C6orf136: variants seen among roughly 807,000 people sequenced by gnomAD.
C6orf136 encodes the protein chromosome 6 open reading frame 136, also known as uncharacterized protein C6orf136.
Under a neutral mutation model 44.0 loss-of-function variants are expected in C6orf136, and 29 were observed. The observed-to-expected ratio is 0.66, with a 90% CI of 0.49 to 0.90. The LOEUF is 0.90. C6orf136 is among the 40% of genes least tolerant of loss of function. The probability of loss-of-function intolerance (pLI) is 0.00; values close to 1 mark genes in which losing one functional copy is unlikely to be tolerated. For synonymous variants in C6orf136, 293 were observed against 278.6 expected (o/e 1.05, Z -0.52); for missense variants, 628 against 669.3 (o/e 0.94, Z 0.68).
rs776450954 is a variant in C6orf136 at position 30,651,456 on chromosome 6, G to A, written c.1297G>A (p.Glu433Lys). ...GCGGTTCTACAAGCGTGACAAAGAC[G>A]AGCATTACCGGTAAGAGAGAAATGA... ...FLRFYKRDKD[E>K]HYRTYDAYST... Residue 433 changes from glutamate (E) to lysine (K), a missense_variant, in exon 4 of 6, where the codon GAG (glutamate) becomes AAG (lysine). Around this residue, in one of 2 missense-constraint regions of C6orf136, gnomAD observed 131 missense variants for 200.1 expected, o/e 0.65. Coordinates refer to ENST00000651131, the MANE Select transcript of C6orf136 (RefSeq NM_001161376.2). 8 of 1,607,830 alleles carry A rather than the reference G, an allele frequency of 5.0e-6. No individual in the cohort carries two copies. The highest frequency in any genetic ancestry group is 5.1e-6 in the Non-Finnish European group (6 of 1,179,950).
At chr6:30,652,186 T>G (rs1261973917) in intron 4 of C6orf136, among the ~76,000 whole-genome samples, 1 of 151,034 alleles carries the variant, frequency 6.6e-6, no homozygotes, top group African/African-American at 2.4e-5. Flanking sequence ...GAGGTTGCAG[T>G]GAGCCGTGAT....
chr6:30,649,814 T>A lies in C6orf136; in HGVS notation c.872T>A (p.Leu291His), dbSNP rs1381473538. 1 of 1,613,948 alleles carries A rather than the reference T, an allele frequency of 6.2e-7. No individual in the cohort carries two copies. Among genetic ancestry groups the A allele is most frequent in the African/African-American group, 1.3e-5 (1 of 74,912 alleles). Residue 291 changes from leucine to histidine, a missense_variant, in exon 2 of 6, where the codon CTT becomes CAT. Physicochemically the swap from Leu to His is moderately conservative, Grantham distance 99. Transcript: ENST00000651131. The stretch of plus-strand genomic sequence containing the variant: ...GGCTGCCTGGATGGGCTTAGAAGCC[T>A]TTTTGAGGGACCTCCCTGCCCCTAT... The part of the protein sequence containing the change: ...HSGCLDGLRS[L>H]FEGPPCPYPG...
At position 30,651,062 on chromosome 6, in the gene C6orf136, G is replaced by A. The variant is rs1767357617; in HGVS notation, c.1086G>A (p.Glu362=). ...CCTTGGATGTGGAATTCATCAATGAGATCCTCAACATACGTACCAAGTGAG... is the reference window on the plus strand; with the variant it reads ...CCTTGGATGTGGAATTCATCAATGAAATCCTCAACATACGTACCAAGTGAG... ...LYSLDVEFIN[E]ILNIRTKGRT... The change falls in exon 3 of 6, where the codon GAG becomes GAA. Residue 362 remains glutamate, a synonymous_variant. Transcript: ENST00000651131. 1 of 1,613,822 alleles carries A rather than the reference G, an allele frequency of 6.2e-7. No individual in the cohort carries two copies. The highest frequency in any genetic ancestry group is 1.3e-5 in the African/African-American group (1 of 74,896).
chr6:30,647,805 C>A lies in C6orf136; in HGVS notation c.574C>A (p.Pro192Thr). The A allele has an allele frequency of 1.3e-6, 2 of 1,535,164 alleles. No individual in the cohort carries two copies. Among genetic ancestry groups the A allele is most frequent in the Non-Finnish European group, 8.8e-7 (1 of 1,142,232 alleles). ...LRPGWQDGHA[P>T]SRDGASRTPS... ...CCCGGGCTGGCAAGATGGCCACGCCCCCAGCAGAGACGGCGCCTCTAGGAC... is the reference window on the plus strand; with the variant it reads ...CCCGGGCTGGCAAGATGGCCACGCCACCAGCAGAGACGGCGCCTCTAGGAC... Residue 192 changes from proline to threonine, a missense_variant, in exon 1 of 6, where the codon CCC becomes ACC. By Grantham distance (38) the Pro-to-Thr change is conservative. This residue lies in a region of C6orf136 where 497 missense variants were observed against 469.2 expected (regional missense o/e 1.06). Coordinates refer to ENST00000651131, the MANE Select transcript of C6orf136 (RefSeq NM_001161376.2). The surrounding 1 kb of genome is among the most constrained non-coding windows in gnomAD (Gnocchi z 4.8).
At position 30,647,634 on chromosome 6, in the gene C6orf136, A is replaced by ATT. The variant is rs1766978111; in HGVS notation, c.404_405dup (p.Arg136PhefsTer202). ...TGATTTGAAGGGCAGGGGCCGAGAG[A>ATT]TTCGTAGCCCTGCTGCGGCGCCGTC... is the stretch of plus-strand genomic sequence containing the variant. On this transcript the variant is annotated frameshift_variant, in exon 1 of 6. Coordinates refer to ENST00000651131, the MANE Select transcript of C6orf136 (RefSeq NM_001161376.2). LOFTEE classifies it high-confidence loss of function. The surrounding 1 kb of genome is among the most constrained non-coding windows in gnomAD (Gnocchi z 4.8). 2 of 1,549,846 alleles carry ATT rather than the reference A, an allele frequency of 1.3e-6. No homozygotes were observed. The highest frequency in any genetic ancestry group is 2.4e-5 in the South Asian group (2 of 83,996).
rs1484488912 is a variant in C6orf136, at chr6:30,647,708, C to T, written c.477C>T (p.Pro159=). The part of the protein sequence containing the change: ...QTRPAGRPQQ[P]ARLALGERSW... ...GACCCGCGGGGCGCCCTCAGCAGCC[C>T]GCCCGTCTTGCACTCGGAGAGCGGT... The change falls in exon 1 of 6, where the codon CCC becomes CCT. Residue 159 remains proline, a synonymous_variant. Transcript: ENST00000651131. The surrounding 1 kb of genome is among the most constrained non-coding windows in gnomAD (Gnocchi z 4.8). 2.6e-6 allele frequency: 4 copies of T among 1,550,008 alleles called. No homozygotes were observed. The highest frequency in any genetic ancestry group is 3.5e-6 in the Non-Finnish European group (4 of 1,146,730).
chr6:30,647,712 C>G lies in C6orf136; in HGVS notation c.481C>G (p.Arg161Gly). ...CGCGGGGCGCCCTCAGCAGCCCGCC[C>G]GTCTTGCACTCGGAGAGCGGTCCTG... is the stretch of plus-strand genomic sequence containing the variant. ...RPAGRPQQPA[R>G]LALGERSWQE... The change falls in exon 1 of 6, where the codon CGT becomes GGT. Residue 161 changes from arginine to glycine, a missense_variant. Physicochemically the swap from Arg to Gly is moderately radical, Grantham distance 125. Transcript: ENST00000651131. The surrounding 1 kb of genome is among the most constrained non-coding windows in gnomAD (Gnocchi z 4.8). The G allele has an allele frequency of 6.5e-7, 1 of 1,550,106 alleles. No homozygotes were observed. The highest frequency in any genetic ancestry group is 1.2e-5 in the South Asian group (1 of 84,020).
chr6:30,647,332 G>C lies in C6orf136; in HGVS notation c.101G>C (p.Arg34Thr). ...QVSGGEEGGR[R>T]GGGERPSSKP... ...AGCGGAGGAGAAGAGGGAGGGAGGA[G>C]AGGGGGCGGGGAGAGACCCTCCTCA... The change falls in exon 1 of 6, where the codon AGA becomes ACA. Residue 34 changes from arginine (R) to threonine (T), a missense_variant. Arg to Thr is a moderately conservative substitution (Grantham distance 71, BLOSUM62 -1). This residue lies in a region of C6orf136 where 497 missense variants were observed against 469.2 expected (regional missense o/e 1.06). Transcript: ENST00000651131. The surrounding 1 kb of genome is among the most constrained non-coding windows in gnomAD (Gnocchi z 4.8). 6.3e-7 allele frequency: 1 copy of C among 1,577,398 alleles called. No homozygotes were observed. Among genetic ancestry groups the C allele is most frequent in the Non-Finnish European group, 8.6e-7 (1 of 1,164,862 alleles).
Position 30,652,479 on chromosome 6 carries a change from ACT to A in C6orf136, c.1308-166_1308-165del, listed in dbSNP as rs1339809007. 10 of 677,442 alleles carry A rather than the reference ACT, an allele frequency of 1.5e-5. No homozygotes were observed. In the East Asian group the frequency reaches 1.5e-4, roughly 10 times the overall value. The allele number at this position is 677,442 out of a possible 1,614,324, so 42.0% of individuals were successfully genotyped here. A position where few individuals can be genotyped will look rare whatever the true frequency, so the allele number is the denominator to read the frequency against. On this transcript the variant is annotated intron_variant, in intron 4 of 5. Transcript: ENST00000651131. ...TCGTTAAAAAATATTGACGCCAAAC[ACT>A]CTGATTTAATTGAGACAGGGCACAA...
Position 30,647,492 on chromosome 6 carries a change from C to T in C6orf136, c.261C>T (p.Ala87=), listed in dbSNP as rs970224908. The change falls in exon 1 of 6, where the codon GCC becomes GCT. Residue 87 remains alanine (A), a synonymous_variant. Transcript: ENST00000651131. The surrounding 1 kb of genome is among the most constrained non-coding windows in gnomAD (Gnocchi z 4.8). ...VAGAGGRRCR[A]CRARTSVLPG... is the part of the protein sequence containing the mutation. ...GAGCGGGAGGGAGGCGCTGCCGGGC[C>T]TGTCGCGCAAGGACGTCGGTCCTCC... 4 of 1,493,778 alleles carry T rather than the reference C, an allele frequency of 2.7e-6. No individual in the cohort carries two copies. Among genetic ancestry groups the T allele is most frequent in the Middle Eastern group, 1.7e-4 (1 of 5,766 alleles). The allele number at this position is 1,493,778 out of a possible 1,614,324, so 92.5% of individuals were successfully genotyped here.
Position 30,649,783 on chromosome 6 carries a change from C to A in C6orf136, c.841C>A (p.His281Asn). Reference sequence around the variant, plus strand: ...GGAGGAGGGACCAGGACCTGAGTTGCATAGCGGCTGCCTGGATGGGCTTAG... The same window carrying A: ...GGAGGAGGGACCAGGACCTGAGTTGAATAGCGGCTGCCTGGATGGGCTTAG... Reference protein sequence around the residue: ...KGEEGPGPELHSGCLDGLRSL... With the variant: ...KGEEGPGPELNSGCLDGLRSL... Residue 281 changes from histidine (H) to asparagine (N), a missense_variant, in exon 2 of 6, where the codon CAT becomes AAT. By Grantham distance (68) the His-to-Asn change is moderately conservative (BLOSUM62 1). This residue lies in a region of C6orf136 where 497 missense variants were observed against 469.2 expected (regional missense o/e 1.06). Coordinates refer to ENST00000651131, the MANE Select transcript of C6orf136 (RefSeq NM_001161376.2). 6.2e-7 allele frequency: 1 copy of A among 1,614,114 alleles called. No homozygotes were observed. The highest frequency in any genetic ancestry group is 8.5e-7 in the Non-Finnish European group (1 of 1,180,008).
chr6:30,647,141 C>G lies in C6orf136; in HGVS notation c.-91C>G. ...TACCCCCCCGCCCCGGCCTCCTTTC[C>G]CCTTCACGAAGCCGGCTCTGGGGCG... On this transcript the variant is annotated 5_prime_UTR_variant, in exon 1 of 6. Coordinates refer to ENST00000651131, the MANE Select transcript of C6orf136 (RefSeq NM_001161376.2). This position sits in a 1 kb window ranked among gnomAD's most constrained non-coding sequence, Gnocchi z 4.8. The G allele has an allele frequency of 8.4e-7, 1 of 1,185,270 alleles. No individual in the cohort carries two copies. Among genetic ancestry groups the G allele is most frequent in the Non-Finnish European group, 1.1e-6 (1 of 878,728 alleles). The allele number at this position is 1,185,270 out of a possible 1,614,324, so 73.4% of individuals were successfully genotyped here. A position where few individuals can be genotyped will look rare whatever the true frequency, so the allele number is the denominator to read the frequency against.
chr6:30,647,537 G>A lies in C6orf136; in HGVS notation c.306G>A (p.Arg102=). The A allele has an allele frequency of 6.6e-7, 1 of 1,524,616 alleles. No individual in the cohort carries two copies. The highest frequency in any genetic ancestry group is 8.9e-7 in the Non-Finnish European group (1 of 1,129,512). The allele number at this position is 1,524,616 out of a possible 1,614,324, so 94.4% of individuals were successfully genotyped here. A position where few individuals can be genotyped will look rare whatever the true frequency, so the allele number is the denominator to read the frequency against. Residue 102 remains arginine (R), a synonymous_variant, in exon 1 of 6, where the codon AGG becomes AGA. Transcript: ENST00000651131. The surrounding 1 kb of genome is among the most constrained non-coding windows in gnomAD (Gnocchi z 4.8). Reference sequence around the variant, plus strand: ...TCCTCCCAGGTTTGAGGGCGGTCAGGCGGGGTCAAGGCCAGGCAGCGGGGC... The same window carrying A: ...TCCTCCCAGGTTTGAGGGCGGTCAGACGGGGTCAAGGCCAGGCAGCGGGGC... ...TSVLPGLRAV[R]RGQGQAAGRV...
chr6:30,653,010 C>T lies in C6orf136; in HGVS notation c.*95C>T, dbSNP rs1016820919. The T allele has an allele frequency of 2.5e-6, 3 of 1,213,826 alleles. No homozygotes were observed. Among genetic ancestry groups the T allele is most frequent in the Non-Finnish European group, 3.6e-6 (3 of 841,024 alleles). The allele number at this position is 1,213,826 out of a possible 1,614,324, so 75.2% of individuals were successfully genotyped here. On this transcript the variant is annotated 3_prime_UTR_variant, in exon 6 of 6. Transcript: ENST00000651131. The stretch of plus-strand genomic sequence containing the variant: ...GAATCTCAGGAGCCAGCTTCCTCTC[C>T]TCGTTTCTCTCCTTCCTTCCTTTCC...
rs767067882 is a variant in C6orf136, at chr6:30,652,905, C to T, written c.1481C>T (p.Ser494Phe). 3 of 1,612,720 alleles carry T rather than the reference C, an allele frequency of 1.9e-6. No individual in the cohort carries two copies. Among genetic ancestry groups the T allele is most frequent in the Non-Finnish European group, 2.5e-6 (3 of 1,179,848 alleles). Residue 494 changes from serine to phenylalanine, a missense_variant, in exon 6 of 6, where the codon TCC (serine) becomes TTC (phenylalanine). By Grantham distance (155) the Ser-to-Phe change is radical (BLOSUM62 -2). Transcript: ENST00000651131. ...CCAGAACCTGACTTAAACCTGTGTT[C>T]CAAGCCCTGATCCTTGACCTTGGAG... ...SEPEPDLNLC[S>F]KP
At chr6:30,652,179 G>A (rs1018942040) in intron 4 of C6orf136, among the ~76,000 whole-genome samples, 2 of 151,304 alleles carry the variant, frequency 1.3e-5, no homozygotes, top group Admixed American at 6.6e-5. Context: ...GGAGGTTGAG[G>A]TTGCAGTGAG....
intron 4 of C6orf136, among the ~76,000 whole-genome samples, chr6:30,651,873 A>G (rs1767456067): frequency 6.6e-6 from 1 of 152,132 alleles, no homozygotes; most frequent in South Asian, 2.1e-4. Context: ...TGTTAAAAAA[A>G]AAATAGAGAC....
chr6:30,647,300 C>G lies in C6orf136; in HGVS notation c.69C>G (p.Pro23=). 3.1e-6 allele frequency: 5 copies of G among 1,598,798 alleles called. No individual in the cohort carries two copies. The African/African-American group carries it at 4.1e-5, about 13-fold the overall frequency. The part of the protein sequence containing the change: ...GPCLRAYQAR[P]QVSGGEEGGR... ...GCCTGCGCGCCTACCAGGCTCGACC[C>G]CAGGTGAGCGGAGGAGAAGAGGGAG... The change falls in exon 1 of 6, where the codon CCC becomes CCG. Residue 23 remains proline, a synonymous_variant. Coordinates refer to ENST00000651131, the MANE Select transcript of C6orf136 (RefSeq NM_001161376.2). The surrounding 1 kb of genome is among the most constrained non-coding windows in gnomAD (Gnocchi z 4.8).
intron 4 of C6orf136, 37 bp from the exon 5 acceptor site, chr6:30,652,611 C>T: frequency 6.3e-7 from 1 of 1,582,640 alleles, no homozygotes; most frequent in East Asian, 2.2e-5. Context: ...TGGGACCAGT[C>T]ACCTTCTCCC....
Sources: gnomAD v4.1 joint callset for allele counts (sites outside exome capture counted in the v4.1 genomes callset) on GRCh38, gnomAD v4.1.1 for gene constraint, gnomAD v4.1.1 regional missense constraint, Gnocchi (gnomAD v3.1) non-coding constraint, MANE v1.5 for transcripts, NCBI Gene and HGNC (gene_info 2026-07-23, HGNC 2026-07-21) for gene names.